ITK: variants seen among roughly 807,000 people sequenced by gnomAD.
ITK encodes tyrosine-protein kinase ITK/TSK.
ITK carries 45 observed loss-of-function variants against 87.6 expected under a neutral mutation model. The observed-to-expected ratio is 0.51, with a 90% CI of 0.40 to 0.66. The LOEUF is 0.66. Among genes scored for constraint, ITK ranks in the 30% least tolerant of loss-of-function variants. The pLI, the probability that ITK is intolerant of heterozygous loss-of-function variation, is 0.00. For missense variants in ITK, 605 were observed against 766.3 expected (o/e 0.79, Z 2.48); for synonymous variants, 303 against 273.6 (o/e 1.11, Z -1.06).
At chr5:157,194,233 G>A (rs538003500) in intron 1 of ITK, among the ~76,000 whole-genome samples, 4 of 152,078 alleles carry the variant, frequency 2.6e-5, no homozygotes, top group Non-Finnish European at 4.4e-5. Context: ...TTCTCGCTGC[G>A]AGTTTGTGAA....
chr5:157,212,474 A>T lies in ITK; in HGVS notation c.325+1106A>T, dbSNP rs371491067. ...CAGACAAGTGCTGGGTGAATGGGGA[A>T]GTGCTCTCCGTTCTTACAGTCTTGG... On this transcript the variant is annotated intron_variant, in intron 3 of 16. Transcript: ENST00000422843. Among the ~76,000 whole-genome samples, 13 of 152,348 alleles carry T rather than the reference A, an allele frequency of 8.5e-5. No homozygotes were observed. The East Asian group carries it at 2.5e-3, about 29-fold the overall frequency.
rs185027001 is a variant in ITK at position 157,206,161 on chromosome 5, C to T, written c.139-2728C>T. Among the ~76,000 whole-genome samples the T allele has an allele frequency of 9.1e-3, 1,387 of 151,940 alleles. 13 individuals are homozygous for T. Among genetic ancestry groups the T allele is most frequent in the Non-Finnish European group, 0.016 (1,098 of 67,936 alleles). On this transcript the variant is annotated intron_variant, in intron 1 of 16. Coordinates refer to ENST00000422843, the MANE Select transcript of ITK (RefSeq NM_005546.4). ...GTAGAAACAGAGTTTCACCACGTTT[C>T]CCAGGCTGGTCTCGAACCCCTGGGC...
In ITK at chr5:157,252,831, A is replaced by C. The variant is rs2229736; in HGVS notation, c.*153A>C. The C allele has an allele frequency of 4.3e-3, 2,965 of 694,784 alleles. 72 individuals carry two copies. In the African/African-American group the frequency reaches 0.044, roughly 10 times the overall value. 43.0% of individuals were successfully genotyped at this position (694,784 alleles called of 1,614,324 possible). A position where few individuals can be genotyped will look rare whatever the true frequency, so the allele number is the denominator to read the frequency against. On this transcript the variant is annotated 3_prime_UTR_variant, in exon 17 of 17. Coordinates refer to ENST00000422843, the MANE Select transcript of ITK (RefSeq NM_005546.4). ...GTCCCTGAGTCACCATGGAAGCAGC[A>C]TCCTGACCACAGCTGGCAGTCAAGC...
chr5:157,205,198 G>T (rs1380712630), intron 1 of ITK, among the ~76,000 whole-genome samples: 1 of 152,114 alleles, frequency 6.6e-6, no homozygotes, highest in Non-Finnish European at 1.5e-5. Context: ...CAAAAGGTAG[G>T]TATTATCCCC....
Position 157,253,258 on chromosome 5 carries a change from C to T in ITK, c.*580C>T, listed in dbSNP as rs1375165787. 2.8e-5 allele frequency: 7 copies of T among 246,296 alleles called. No homozygotes were observed. The highest frequency in any genetic ancestry group is 5.6e-5 in the Non-Finnish European group (7 of 123,966). 15.3% of individuals were successfully genotyped at this position (246,296 alleles called of 1,614,324 possible). A position where few individuals can be genotyped will look rare whatever the true frequency, so the allele number is the denominator to read the frequency against. On this transcript the variant is annotated 3_prime_UTR_variant, in exon 17 of 17. Coordinates refer to ENST00000422843, the MANE Select transcript of ITK (RefSeq NM_005546.4). ...TAGAGAATGATAGAGCAGCTGCTCA[C>T]ACAGGAGGCCGGATATTCTGAGAAG...
intron 6 of ITK, among the ~76,000 whole-genome samples, chr5:157,225,685 C>A (rs559119725): frequency 1.3e-5 from 2 of 152,104 alleles, no homozygotes; most frequent in African/African-American, 4.8e-5. Flanking sequence ...GACCCCAACT[C>A]CCCTCGTCTG....
chr5:157,183,844 A>G (rs549622981), intron 1 of ITK, among the ~76,000 whole-genome samples: 42 of 152,310 alleles, frequency 2.8e-4, no homozygotes, highest in Non-Finnish European at 5.0e-4. Flanking sequence ...ACACCATATG[A>G]AAAATAACCC....
In ITK at chr5:157,245,885, G is replaced by A. The variant is rs777307182; in HGVS notation, c.1519G>A (p.Val507Ile). 16 of 1,613,714 alleles carry A rather than the reference G, an allele frequency of 9.9e-6. No homozygotes were observed. Among genetic ancestry groups the A allele is most frequent in the African/African-American group, 2.7e-5 (2 of 74,924 alleles). ...CTCCCTCCACTCTCTTCCCAGGTTCGTTCTGGATGATCAGTACACCAGTTC... is the reference window on the plus strand; with the variant it reads ...CTCCCTCCACTCTCTTCCCAGGTTCATTCTGGATGATCAGTACACCAGTTC... Reference protein sequence around the residue: ...KVSDFGMTRFVLDDQYTSSTG... With the variant: ...KVSDFGMTRFILDDQYTSSTG... The change falls in exon 15 of 17, where the codon GTT becomes ATT. Residue 507 changes from valine (V) to isoleucine (I), a missense_variant. Physicochemically the swap from Val to Ile is conservative, Grantham distance 29. This residue lies in a region of ITK where 70 missense variants were observed against 122.5 expected (regional missense o/e 0.57). Coordinates refer to ENST00000422843, the MANE Select transcript of ITK (RefSeq NM_005546.4).
chr5:157,226,583 T>G (rs1754536229), intron 6 of ITK, among the ~76,000 whole-genome samples: 1 of 152,170 alleles, frequency 6.6e-6, no homozygotes, highest in African/African-American at 2.4e-5. Context: ...TATGCCATGA[T>G]TGATTAGCAA....
intron 1 of ITK, chr5:157,195,728 A>T (rs1196541346): frequency 6.6e-6 from 1 of 152,212 alleles, no homozygotes; most frequent in Non-Finnish European, 1.5e-5. Flanking sequence ...TACTCTGCAC[A>T]CACTTCTTAA....
chr5:157,182,223 G>C (rs915537192), intron 1 of ITK, among the ~76,000 whole-genome samples: 1 of 152,168 alleles, frequency 6.6e-6, no homozygotes, highest in Non-Finnish European at 1.5e-5. Flanking sequence ...TTAGGTGCCT[G>C]ATGGTCACTT....
At chr5:157,213,696 A>T (rs968845643) in intron 3 of ITK, 4 of 366,312 alleles carry the variant, frequency 1.1e-5, no homozygotes, top group Non-Finnish European at 2.1e-5. Flanking sequence ...TCTGTGCCTT[A>T]TGTATGTATT....
intron 7 of ITK, among the ~76,000 whole-genome samples, chr5:157,229,788 C>T (rs1754613643): frequency 6.6e-6 from 1 of 152,144 alleles, no homozygotes; most frequent in Non-Finnish European, 1.5e-5. Context: ...ATGGCACACG[C>T]CTGTAGTCCC....
At position 157,252,198 on chromosome 5, in the gene ITK, G is replaced by A. The variant is rs376883776; in HGVS notation, c.1792-409G>A. Among the ~76,000 whole-genome samples the A allele has an allele frequency of 9.2e-5, 14 of 152,192 alleles. 2 individuals carry two copies. The highest frequency in any genetic ancestry group is 7.2e-4 in the Admixed American group (11 of 15,288). ...TTTAATTTTTTCTCATTTAGATCAT[G>A]TAGATATTTTCTGAGATTTATACCC... On this transcript the variant is annotated intron_variant, in intron 16 of 16. Coordinates refer to ENST00000422843, the MANE Select transcript of ITK (RefSeq NM_005546.4).
In ITK at chr5:157,241,440, A is replaced by G. The variant is rs540494560; in HGVS notation, c.986-206A>G. ...TCTATTAGCAAGCTATCTTGTGGAAATAATGGAATTTTACCACTTGCCCAT... is the reference window on the plus strand; with the variant it reads ...TCTATTAGCAAGCTATCTTGTGGAAGTAATGGAATTTTACCACTTGCCCAT... On this transcript the variant is annotated intron_variant, in intron 10 of 16. Transcript: ENST00000422843. The G allele has an allele frequency of 5.8e-4, 304 of 527,424 alleles. 1 individual carries two copies. The highest frequency in any genetic ancestry group is 4.2e-3 in the African/African-American group (219 of 52,454). The allele number at this position is 527,424 out of a possible 1,614,324, so 32.7% of individuals were successfully genotyped here. A position where few individuals can be genotyped will look rare whatever the true frequency, so the allele number is the denominator to read the frequency against.
chr5:157,243,831 G>T (rs992229460), intron 12 of ITK, 37 bp downstream of exon 12: 4 of 1,590,564 alleles, frequency 2.5e-6, no homozygotes, highest in Admixed American at 3.3e-5. Flanking sequence ...GAAACTCTGG[G>T]GGGAACATCG....
rs1231387877 is a variant in ITK, at chr5:157,253,532, C to T, written c.*854C>T. On this transcript the variant is annotated 3_prime_UTR_variant, in exon 17 of 17. Coordinates refer to ENST00000422843, the MANE Select transcript of ITK (RefSeq NM_005546.4). ...AGCTGTGCAGGTGACTATGCCTCCT[C>T]TTCTGCACAGAATGCTTCCACCAGC... The T allele has an allele frequency of 4.4e-6, 1 of 226,804 alleles. No homozygotes were observed. Among genetic ancestry groups the T allele is most frequent in the Non-Finnish European group, 8.8e-6 (1 of 114,104 alleles). The allele number at this position is 226,804 out of a possible 1,614,324, so 14.0% of individuals were successfully genotyped here.
At chr5:157,236,614 T>C (rs998665726) in intron 8 of ITK, among the ~76,000 whole-genome samples, 3 of 152,212 alleles carry the variant, frequency 2.0e-5, no homozygotes, top group Non-Finnish European at 2.9e-5. Context: ...TCATTGTGAC[T>C]AAGTTAAGTG....
In ITK at chr5:157,211,229, G is replaced by A. The variant is rs367600471; in HGVS notation, c.244-58G>A. On this transcript the variant is annotated intron_variant, in intron 2 of 16. Transcript: ENST00000422843. ...CCACTCTCGGCTCAGTAGGTCTGCT[G>A]TCAGTCAACTATCTCCATGCACGCT... The A allele has an allele frequency of 1.6e-4, 233 of 1,431,866 alleles. No homozygotes were observed. The African/African-American group carries it at 2.5e-3, about 15-fold the overall frequency. The allele number at this position is 1,431,866 out of a possible 1,614,324, so 88.7% of individuals were successfully genotyped here. A position where few individuals can be genotyped will look rare whatever the true frequency, so the allele number is the denominator to read the frequency against.
Sources: allele counts gnomAD v4.1 joint callset (sites outside exome capture counted in the v4.1 genomes callset), GRCh38; gene constraint gnomAD v4.1.1; regional missense constraint gnomAD v4.1.1; transcripts MANE v1.5; gene names NCBI Gene and HGNC (gene_info 2026-07-23, HGNC 2026-07-21).